Variants in SLC38A2 observed in about 807,000 individuals in gnomAD.
SLC38A2 encodes sodium-coupled neutral amino acid symporter 2.
Under a neutral mutation model 61.5 loss-of-function variants are expected in SLC38A2, and 11 were observed. That is an observed-to-expected ratio of 0.18 (90% CI 0.11 to 0.30). SLC38A2 has a LOEUF of 0.30. Among genes scored for constraint, SLC38A2 ranks in the 10% least tolerant of loss-of-function variants. SLC38A2 has a pLI of 1.00. For missense variants in SLC38A2, 522 were observed against 600.4 expected, an observed-to-expected ratio of 0.87 and a Z score of 1.36; for synonymous variants, 217 against 212.5, an observed-to-expected ratio of 1.02 and a Z score of -0.18.
At position 46,364,460 on chromosome 12, in the gene SLC38A2, C is replaced by CA; in HGVS notation, c.801dup (p.Val268CysfsTer7). ...GTCACGTTATGTGACAAAGCAGGTACAAGAGCTGTTGGCTGTGTTAAGGTG... is the reference window on the plus strand; with the variant it reads ...GTCACGTTATGTGACAAAGCAGGTACAAAGAGCTGTTGGCTGTGTTAAGGTG... On this transcript the variant is annotated frameshift_variant, in exon 10 of 16. Transcript: ENST00000256689. LOFTEE classifies it high-confidence loss of function. 6.2e-7 allele frequency: 1 copy of CA among 1,612,808 alleles called. No homozygotes were observed. The highest frequency in any genetic ancestry group is 8.5e-7 in the Non-Finnish European group (1 of 1,179,376).
rs912014995 is a variant in SLC38A2 at position 46,370,532 on chromosome 12, A to G, written c.294T>C (p.Asn98=). The G allele has an allele frequency of 1.9e-6, 3 of 1,613,566 alleles. No homozygotes were observed. Among genetic ancestry groups the G allele is most frequent in the Admixed American group, 3.3e-5 (2 of 60,012 alleles). Residue 98 remains asparagine (N), a synonymous_variant, in exon 4 of 16, where the codon AAT becomes AAC. Transcript: ENST00000256689. The part of the protein sequence containing the change: ...GILGLSYAMA[N]TGIALFIILL... Reference sequence around the variant, plus strand: ...CTTACATAAAAAGAGCAATTCCAGTATTAGCCATGGCATAAGAAAGCCCAA... The same window carrying G: ...CTTACATAAAAAGAGCAATTCCAGTGTTAGCCATGGCATAAGAAAGCCCAA...
chr12:46,360,945 A>G lies in SLC38A2; in HGVS notation c.*166T>C. On this transcript the variant is annotated 3_prime_UTR_variant, in exon 16 of 16. Transcript: ENST00000256689. ...ACATACAGATAAGTTTCTTAAAAAA[A>G]CAAAACAAAACAAAAAAGTTCACTT... 1 of 573,010 alleles carries G rather than the reference A, an allele frequency of 1.7e-6. No individual in the cohort carries two copies. Among genetic ancestry groups the G allele is most frequent in the South Asian group, 2.6e-5 (1 of 38,814 alleles). 35.5% of individuals were successfully genotyped at this position (573,010 alleles called of 1,614,324 possible). A position where few individuals can be genotyped will look rare whatever the true frequency, so the allele number is the denominator to read the frequency against.
chr12:46,359,882 T>C lies in SLC38A2; in HGVS notation c.*1229A>G, dbSNP rs139837886. On this transcript the variant is annotated 3_prime_UTR_variant, in exon 16 of 16. Coordinates refer to ENST00000256689, the MANE Select transcript of SLC38A2 (RefSeq NM_018976.5). ...ACAGTCCAGTGCAAATGAGTTTTTA[T>C]AAAGCTTACTGCATGAGAAACCCAG... 1 of 152,778 alleles carries C rather than the reference T, an allele frequency of 6.5e-6. No homozygotes were observed. Among genetic ancestry groups the C allele is most frequent in the African/African-American group, 2.4e-5 (1 of 41,576 alleles). The allele number at this position is 152,778 out of a possible 1,614,324, so 9.5% of individuals were successfully genotyped here.
intron 1 of SLC38A2, 40 bp from the exon 2 acceptor site, chr12:46,371,419 G>T: frequency 1.4e-6 from 1 of 698,106 alleles, no homozygotes; most frequent in African/African-American, 1.9e-5. Context: ...CGCAGCGCCA[G>T]CCCGCCGCGG....
rs1399701687 is a variant in SLC38A2, at chr12:46,365,202, G to A, written c.564-13C>T. The A allele has an allele frequency of 1.2e-6, 2 of 1,606,308 alleles. No individual in the cohort carries two copies. Among genetic ancestry groups the A allele is most frequent in the Non-Finnish European group, 1.7e-6 (2 of 1,173,376 alleles). ...CAGATACCACAATCTAAAGAAAACA[G>A]AAACAAGGTCAAAACAGTCACAAAT... On this transcript the variant is annotated splice_polypyrimidine_tract_variant and intron_variant, in intron 7 of 15. Transcript: ENST00000256689.
intron 5 of SLC38A2, 40 bp downstream of exon 5, chr12:46,367,227 G>T: frequency 6.4e-7 from 1 of 1,573,620 alleles, no homozygotes; most frequent in Non-Finnish European, 8.7e-7. Context: ...TAAAATGATA[G>T]GTATACATTG....
chr12:46,363,598 A>G, intron 12 of SLC38A2, 128 bp downstream of exon 12: 1 of 541,420 alleles, frequency 1.8e-6, no homozygotes, highest in Non-Finnish European at 3.2e-6. Flanking sequence ...TCTCATCACA[A>G]ATATGAAATA....
chr12:46,361,665 T>C (rs1943083037), intron 15 of SLC38A2, among the ~76,000 whole-genome samples: 1 of 152,204 alleles, frequency 6.6e-6, no homozygotes, highest in East Asian at 1.9e-4. Flanking sequence ...AAGATGACAG[T>C]TGTTGGTTTA....
At chr12:46,364,812 A>T in intron 8 of SLC38A2, 110 bp from the exon 9 acceptor site, 2 of 1,010,156 alleles carry the variant, frequency 2.0e-6, no homozygotes, top group Non-Finnish European at 3.0e-6. Context: ...TTAGGCACTA[A>T]AGTATGTGTA....
At position 46,358,974 on chromosome 12, in the gene SLC38A2, TG is replaced by T. The variant is rs1943052074; in HGVS notation, c.*2136del. 1 of 152,516 alleles carries T rather than the reference TG, an allele frequency of 6.6e-6. No homozygotes were observed. Among genetic ancestry groups the T allele is most frequent in the Non-Finnish European group, 1.5e-5 (1 of 68,018 alleles). The allele number at this position is 152,516 out of a possible 1,614,324, so 9.4% of individuals were successfully genotyped here. A position where few individuals can be genotyped will look rare whatever the true frequency, so the allele number is the denominator to read the frequency against. On this transcript the variant is annotated 3_prime_UTR_variant, in exon 16 of 16. Coordinates refer to ENST00000256689, the MANE Select transcript of SLC38A2 (RefSeq NM_018976.5). ...TCCATTGGAATTTTCCCTAGGCACT[TG>T]ATTTTGAACCTTAAATAGCCAGAGG...
intron 7 of SLC38A2, 195 bp from the exon 8 acceptor site, chr12:46,365,384 T>G (rs1943129249): frequency 1.6e-6 from 1 of 613,402 alleles, no homozygotes; most frequent in Non-Finnish European, 2.9e-6. Context: ...TTACTCAGGT[T>G]AGAAGTCGGG....
At chr12:46,362,227 C>A in intron 15 of SLC38A2, 57 bp downstream of exon 15, 1 of 1,346,952 alleles carries the variant, frequency 7.4e-7, no homozygotes, top group South Asian at 1.4e-5. Context: ...AAATTAAAAT[C>A]AGTTGGGGAA....
At chr12:46,365,312 G>A (rs773079482) in intron 7 of SLC38A2, 123 bp from the exon 8 acceptor site, 1 of 812,290 alleles carries the variant, frequency 1.2e-6, no homozygotes, top group South Asian at 1.5e-5. Flanking sequence ...AGACATGTTT[G>A]GAAAAAGTTT....
chr12:46,363,001 C>T lies in SLC38A2; in HGVS notation c.1179+20G>A, dbSNP rs758842507. On this transcript the variant is annotated intron_variant, in intron 13 of 15. Coordinates refer to ENST00000256689, the MANE Select transcript of SLC38A2 (RefSeq NM_018976.5). The stretch of plus-strand genomic sequence containing the variant: ...TCTAAAAACTCCTTCCTACTGAAAG[C>T]AGAGCAAGTGATTACTTACTGGGAA... 1 of 1,610,974 alleles carries T rather than the reference C, an allele frequency of 6.2e-7. No individual in the cohort carries two copies. Among genetic ancestry groups the T allele is most frequent in the South Asian group, 1.1e-5 (1 of 90,636 alleles).
At position 46,358,764 on chromosome 12, in the gene SLC38A2, T is replaced by C. The variant is rs1354115143; in HGVS notation, c.*2347A>G. Reference sequence around the variant, plus strand: ...ATAGATTATCATAAATATTGAAAAATAGGTTAGCTTTAATGGATTAATGTT... The same window carrying C: ...ATAGATTATCATAAATATTGAAAAACAGGTTAGCTTTAATGGATTAATGTT... On this transcript the variant is annotated 3_prime_UTR_variant, in exon 16 of 16. Coordinates refer to ENST00000256689, the MANE Select transcript of SLC38A2 (RefSeq NM_018976.5). 6.6e-6 allele frequency: 1 copy of C among 152,494 alleles called. No individual in the cohort carries two copies. Among genetic ancestry groups the C allele is most frequent in the Non-Finnish European group, 1.5e-5 (1 of 68,004 alleles). 9.4% of individuals were successfully genotyped at this position (152,494 alleles called of 1,614,324 possible). A position where few individuals can be genotyped will look rare whatever the true frequency, so the allele number is the denominator to read the frequency against.
At position 46,371,355 on chromosome 12, in the gene SLC38A2, T is replaced by G. The variant is rs1163949577; in HGVS notation, c.-62A>C. The G allele has an allele frequency of 1.2e-5, 16 of 1,381,820 alleles. No individual in the cohort carries two copies. Among genetic ancestry groups the G allele is most frequent in the Non-Finnish European group, 1.6e-5 (16 of 971,334 alleles). The allele number at this position is 1,381,820 out of a possible 1,614,324, so 85.6% of individuals were successfully genotyped here. On this transcript the variant is annotated 5_prime_UTR_variant, in exon 2 of 16. Transcript: ENST00000256689. ...GCTGGGCTCCTTTTGTCCTTGGCGG[T>G]GGGTGCAGCGGCCCGCGAGTCGGCC...
intron 7 of SLC38A2, 71 bp from the exon 8 acceptor site, chr12:46,365,260 G>A (rs1394553514): frequency 3.2e-6 from 4 of 1,231,822 alleles, no homozygotes; most frequent in Non-Finnish European, 3.6e-6. Flanking sequence ...CTTCTAACAG[G>A]ACTCATTTCA....
intron 4 of SLC38A2, among the ~76,000 whole-genome samples, chr12:46,368,574 G>A (rs1943162885): frequency 6.6e-6 from 1 of 152,158 alleles, no homozygotes; most frequent in South Asian, 2.1e-4. Flanking sequence ...AGAAAACCTT[G>A]CAAAGGAGAA....
rs139559733 is a variant in SLC38A2, at chr12:46,369,152, A to T, written c.314+1360T>A. On this transcript the variant is annotated intron_variant, in intron 4 of 15. Transcript: ENST00000256689. ...GCCATTTAGTATCATTTCAATTCTT[A>T]CTTTAACTACACTGGCTGCACTCTA... is the stretch of plus-strand genomic sequence containing the variant. Among the ~76,000 whole-genome samples, 1,440 of 152,300 alleles carry T rather than the reference A, an allele frequency of 9.5e-3. 15 individuals are homozygous for T. The highest frequency in any genetic ancestry group is 0.033 in the African/African-American group (1,357 of 41,568).
Sources: allele counts gnomAD v4.1 joint callset (sites outside exome capture counted in the v4.1 genomes callset), GRCh38; gene constraint gnomAD v4.1.1; transcripts MANE v1.5; gene names NCBI Gene and HGNC (gene_info 2026-07-23, HGNC 2026-07-21).